Variants in CSMD1 observed in about 807,000 individuals in gnomAD.
The protein encoded by CSMD1 is CUB and sushi domain-containing protein 1.
In CSMD1, 213 loss-of-function variants were observed where a neutral mutation model predicts 417.5. The ratio of observed to expected loss-of-function variants is 0.51; its 90% CI spans 0.46 to 0.57. The LOEUF (loss-of-function observed/expected upper bound fraction) is 0.57, where lower values mean the gene tolerates loss of function less well. Ranked by LOEUF, CSMD1 falls within the 20% of genes least tolerant of loss-of-function variation. The pLI, the probability that CSMD1 is intolerant of heterozygous loss-of-function variation, is 0.00. For synonymous variants in CSMD1, 2,862 were observed against 1,736.8 expected, an observed-to-expected ratio of 1.65 and a Z score of -16.11; for missense variants, 6,923 against 4,529.7, an observed-to-expected ratio of 1.53 and a Z score of -15.17.
intron 3 of CSMD1, among the ~76,000 whole-genome samples, chr8:4,164,711 G>T (rs566022832): frequency 1.3e-5 from 2 of 151,980 alleles, no homozygotes; most frequent in Admixed American, 6.6e-5. Flanking sequence ...GTGGAGGAAA[G>T]ATTCAAGTAC....
chr8:4,390,299 T>C (rs1406298293), intron 3 of CSMD1, among the ~76,000 whole-genome samples: 1 of 152,104 alleles, frequency 6.6e-6, no homozygotes, highest in South Asian at 2.1e-4. Flanking sequence ...AATCAAGTTA[T>C]CTCTTATTGA....
intron 10 of CSMD1, among the ~76,000 whole-genome samples, chr8:3,522,535 G>C (rs184992687): frequency 2.7e-3 from 412 of 152,234 alleles, no homozygotes; most frequent in African/African-American, 9.4e-3. Context: ...GTAGCCCCCT[G>C]AGTTATAAGT....
chr8:4,152,316 T>C (rs529619118), intron 3 of CSMD1, among the ~76,000 whole-genome samples: 6 of 152,266 alleles, frequency 3.9e-5, no homozygotes, highest in South Asian at 2.1e-4. Flanking sequence ...AATCAGCTTT[T>C]TGAATTGAAT....
intron 25 of CSMD1, among the ~76,000 whole-genome samples, chr8:3,299,585 C>G (rs1476796998): frequency 2.6e-5 from 4 of 152,130 alleles, no homozygotes; most frequent in Non-Finnish European, 5.9e-5. Flanking sequence ...CGCCACCATA[C>G]AGCGGACATA....
At chr8:3,624,283 A>G (rs4875248) in intron 7 of CSMD1, among the ~76,000 whole-genome samples, 60,670 of 152,082 alleles carry the variant, frequency 0.4, 12,207 homozygotes, top group Middle Eastern at 0.49. Context: ...TCCTTCAGCT[A>G]AGAGGAAAGA....
At chr8:4,667,132 GT>G (rs1804989192) in intron 1 of CSMD1, among the ~76,000 whole-genome samples, 1 of 152,010 alleles carries the variant, frequency 6.6e-6, no homozygotes, top group African/African-American at 2.4e-5. Context: ...GTGTTACCTT[GT>G]CCCCTTTCTC....
At chr8:4,909,227 A>G (rs1038511459) in intron 1 of CSMD1, among the ~76,000 whole-genome samples, 2 of 152,162 alleles carry the variant, frequency 1.3e-5, no homozygotes, top group Non-Finnish European at 2.9e-5. Flanking sequence ...GAGGGATGGT[A>G]GAGTGTTTTA....
At chr8:3,758,297 G>A (rs777718923) in intron 5 of CSMD1, among the ~76,000 whole-genome samples, 5 of 152,210 alleles carry the variant, frequency 3.3e-5, no homozygotes, top group African/African-American at 1.2e-4. Flanking sequence ...AAGCAAGGGT[G>A]AGGGCTTTAG....
chr8:3,377,387 G>A (rs1005523340), intron 18 of CSMD1, among the ~76,000 whole-genome samples: 4 of 152,102 alleles, frequency 2.6e-5, no homozygotes, highest in Non-Finnish European at 5.9e-5. Flanking sequence ...TCATGCTATT[G>A]ATTCCTTCGA....
intron 7 of CSMD1, among the ~76,000 whole-genome samples, chr8:3,681,572 T>C (rs60702158): frequency 0.14 from 21,993 of 152,132 alleles, 1,793 homozygotes; most frequent in South Asian, 0.21. Context: ...ATTCCATGCT[T>C]ATGGATAGGA....
At chr8:3,248,149 G>C (rs1314863851) in intron 26 of CSMD1, among the ~76,000 whole-genome samples, 1 of 152,112 alleles carries the variant, frequency 6.6e-6, no homozygotes, top group Non-Finnish European at 1.5e-5. Flanking sequence ...GCAAAATAGT[G>C]AGATGTAGCG....
intron 1 of CSMD1, among the ~76,000 whole-genome samples, chr8:4,934,307 C>G (rs1807454203): frequency 6.6e-6 from 1 of 152,212 alleles, no homozygotes; most frequent in Non-Finnish European, 1.5e-5. Flanking sequence ...TTGTCCATAT[C>G]AACATCAACC....
chr8:4,320,960 C>A (rs995504569), intron 3 of CSMD1, among the ~76,000 whole-genome samples: 10 of 152,146 alleles, frequency 6.6e-5, no homozygotes, highest in Non-Finnish European at 7.3e-5. Flanking sequence ...AGCCACTCTG[C>A]CAGGTCCAGT....
chr8:4,278,920 C>G (rs1035897185), intron 3 of CSMD1, among the ~76,000 whole-genome samples: 3 of 152,130 alleles, frequency 2.0e-5, no homozygotes, highest in Non-Finnish European at 1.5e-5. Context: ...AGTAACAAGC[C>G]TCATTTAAAA....
chr8:3,555,309 C>T (rs1161007298), intron 10 of CSMD1, among the ~76,000 whole-genome samples: 2 of 152,032 alleles, frequency 1.3e-5, no homozygotes, highest in African/African-American at 4.8e-5. Context: ...CTGAGGCTCA[C>T]AGAGGTTTTC....
chr8:4,005,936 A>C lies in CSMD1; in HGVS notation c.611-7826T>G, dbSNP rs958789653. Among the ~76,000 whole-genome samples the C allele has an allele frequency of 5.9e-5, 9 of 152,216 alleles. 1 individual carries two copies. Among genetic ancestry groups the C allele is most frequent in the African/African-American group, 1.9e-4 (8 of 41,458 alleles). On this transcript the variant is annotated intron_variant, in intron 4 of 69. Transcript: ENST00000635120. ...GTTGACTTTGCAGAACCATGCATTT[A>C]TGTTAATTAATTTATTCATTCAATA...
At chr8:4,635,855 G>T (rs945903076) in intron 2 of CSMD1, among the ~76,000 whole-genome samples, 5 of 152,004 alleles carry the variant, frequency 3.3e-5, no homozygotes, top group African/African-American at 1.2e-4. Context: ...ACAGAGGAAA[G>T]CTTACCTGTT....
chr8:3,016,635 C>A (rs556812632), intron 52 of CSMD1, among the ~76,000 whole-genome samples: 5 of 152,166 alleles, frequency 3.3e-5, no homozygotes, highest in Non-Finnish European at 5.9e-5. Flanking sequence ...CATTTCTAAT[C>A]TTTTTCTATT....
At chr8:3,774,240 A>C (rs985354692) in intron 5 of CSMD1, among the ~76,000 whole-genome samples, 2 of 152,148 alleles carry the variant, frequency 1.3e-5, no homozygotes, top group African/African-American at 4.8e-5. Flanking sequence ...CTCAAATGCC[A>C]CTTGCTCTGT....
Sources: gnomAD v4.1 joint callset for allele counts (sites outside exome capture counted in the v4.1 genomes callset) on GRCh38, gnomAD v4.1.1 for gene constraint, MANE v1.5 for transcripts, NCBI Gene and HGNC (gene_info 2026-07-23, HGNC 2026-07-21) for gene names.